The following SESTD1 variants were observed in gnomAD, a reference collection of about 807,000 sequenced individuals.
The protein encoded by SESTD1 is SEC14 domain and spectrin repeat-containing protein 1.
SESTD1 carries 43 observed loss-of-function variants against 101.7 expected under a neutral mutation model. The observed-to-expected ratio is 0.42, with a 90% CI of 0.33 to 0.55. SESTD1 has a LOEUF of 0.55. Among genes scored for constraint, SESTD1 ranks in the 20% least tolerant of loss-of-function variants. SESTD1 has a pLI of 0.07. For missense variants in SESTD1, 647 were observed against 815.1 expected (o/e 0.79, Z 2.51); for synonymous variants, 283 against 286.8 (o/e 0.99, Z 0.13).
In SESTD1 at chr2:179,121,753, T is replaced by C. The variant is rs2044756312; in HGVS notation, c.1442+17A>G. The C allele has an allele frequency of 6.4e-7, 1 of 1,551,270 alleles. No homozygotes were observed. The highest frequency in any genetic ancestry group is 8.7e-7 in the Non-Finnish European group (1 of 1,154,766). ...TGTTATTATTTTAGTAAAAAGTAAT[T>C]AACGGTCAAACTTTGCCTTTGTTTT... On this transcript the variant is annotated intron_variant, in intron 13 of 17. Transcript: ENST00000428443.
chr2:179,257,581 T>C (rs1379805096), intron 1 of SESTD1, among the ~76,000 whole-genome samples: 2 of 152,168 alleles, frequency 1.3e-5, no homozygotes, highest in African/African-American at 4.8e-5. Context: ...CCTACATTTG[T>C]ATATACCCCA....
intron 1 of SESTD1, among the ~76,000 whole-genome samples, chr2:179,230,284 C>T (rs992241080): frequency 3.3e-5 from 5 of 151,652 alleles, no homozygotes; most frequent in African/African-American, 9.7e-5. Flanking sequence ...TACAGGCACA[C>T]ACCACCATAT....
In SESTD1 at chr2:179,156,061, C is replaced by T. The variant is rs114560180; in HGVS notation, c.370-4670G>A. ...AATTTCATGCAGGTCGCTGTGAATGCCATTAATTCATTCCTTTTTATGGCT... is the reference window on the plus strand; with the variant it reads ...AATTTCATGCAGGTCGCTGTGAATGTCATTAATTCATTCCTTTTTATGGCT... On this transcript the variant is annotated intron_variant, in intron 5 of 17. Coordinates refer to ENST00000428443, the MANE Select transcript of SESTD1 (RefSeq NM_178123.5). Among the ~76,000 whole-genome samples the T allele has an allele frequency of 9.5e-3, 1,450 of 152,096 alleles. 14 individuals carry two copies. Among genetic ancestry groups the T allele is most frequent in the Non-Finnish European group, 0.015 (1,014 of 67,988 alleles).
chr2:179,156,269 A>G (rs138085242), intron 5 of SESTD1, among the ~76,000 whole-genome samples: 23 of 152,202 alleles, frequency 1.5e-4, no homozygotes, highest in Non-Finnish European at 3.1e-4. Flanking sequence ...TGATTTTGCA[A>G]TTGTGAATTG....
intron 5 of SESTD1, among the ~76,000 whole-genome samples, chr2:179,166,125 A>G (rs79206222): frequency 0.015 from 2,339 of 152,302 alleles, 162 homozygotes; most frequent in Admixed American, 0.13. Flanking sequence ...ACTAAGGCCA[A>G]ATGTGGGCTA....
At chr2:179,235,691 C>T (rs937902909) in intron 1 of SESTD1, among the ~76,000 whole-genome samples, 1 of 152,182 alleles carries the variant, frequency 6.6e-6, no homozygotes, top group African/African-American at 2.4e-5. Context: ...ACTCACCCGC[C>T]TTTACGCACT....
chr2:179,102,729 G>C lies in SESTD1; in HGVS notation c.*7170C>G, dbSNP rs561152854. ...GCTGTATGTAATAGAACAGCTGGGA[G>C]AGGTAAAAGAGTGGATAAGAGAGTC... On this transcript the variant is annotated 3_prime_UTR_variant, in exon 18 of 18. Coordinates refer to ENST00000428443, the MANE Select transcript of SESTD1 (RefSeq NM_178123.5). 5.3e-5 allele frequency: 8 copies of C among 152,212 alleles called. No individual in the cohort carries two copies. The highest frequency in any genetic ancestry group is 7.4e-5 in the Non-Finnish European group (5 of 67,978). The allele number at this position is 152,212 out of a possible 1,614,324, so 9.4% of individuals were successfully genotyped here. A position where few individuals can be genotyped will look rare whatever the true frequency, so the allele number is the denominator to read the frequency against.
chr2:179,257,633 A>C (rs146574770), intron 1 of SESTD1, among the ~76,000 whole-genome samples: 21 of 152,366 alleles, frequency 1.4e-4, no homozygotes, highest in African/African-American at 5.0e-4. Flanking sequence ...AATGAACTAT[A>C]ACAAGTTAAC....
chr2:179,137,486 A>G lies in SESTD1; in HGVS notation c.850-5060T>C, dbSNP rs563188993. ...TATGATTCCTCTCTACAGAGGAAGA[A>G]AAGCACATGGATGATTCTAGAAATA... is the stretch of plus-strand genomic sequence containing the variant. On this transcript the variant is annotated intron_variant, in intron 9 of 17. Transcript: ENST00000428443. 8.5e-5 allele frequency among the ~76,000 whole-genome samples: 13 copies of G among 152,332 alleles called. No homozygotes were observed. In the South Asian group the frequency reaches 2.5e-3, roughly 29 times the overall value.
chr2:179,238,648 A>T (rs1401599724), intron 1 of SESTD1, among the ~76,000 whole-genome samples: 1 of 152,120 alleles, frequency 6.6e-6, no homozygotes, highest in East Asian at 1.9e-4. Context: ...GTAGGGAAAA[A>T]GGTCAGTGTT....
intron 1 of SESTD1, among the ~76,000 whole-genome samples, chr2:179,255,077 T>C (rs1235491616): frequency 6.6e-6 from 1 of 152,204 alleles, no homozygotes; most frequent in Non-Finnish European, 1.5e-5. Flanking sequence ...ATTGTGTGTA[T>C]TCTGACTGCT....
chr2:179,122,884 A>G (rs1301146963), intron 12 of SESTD1, among the ~76,000 whole-genome samples: 1 of 152,226 alleles, frequency 6.6e-6, no homozygotes, highest in Non-Finnish European at 1.5e-5. Flanking sequence ...CAACACAGCA[A>G]GACTCCATCT....
Position 179,230,113 on chromosome 2 carries a change from C to CTTTTTTTTTTTTTTTTTTTTTTTTTTTTT in SESTD1, c.-26+34357_-26+34385dup, listed in dbSNP as rs71023474. Among the ~76,000 whole-genome samples the CTTTTTTTTTTTTTTTTTTTTTTTTTTTTT allele has an allele frequency of 3.5e-5, 2 of 56,404 alleles. 1 individual carries two copies. Among genetic ancestry groups the CTTTTTTTTTTTTTTTTTTTTTTTTTTTTT allele is most frequent in the Non-Finnish European group, 6.7e-5 (2 of 29,966 alleles). 37.0% of individuals were successfully genotyped at this position (56,404 alleles called of 152,430 possible). A position where few individuals can be genotyped will look rare whatever the true frequency, so the allele number is the denominator to read the frequency against. On this transcript the variant is annotated intron_variant, in intron 1 of 17. Transcript: ENST00000428443. ...AAATATTCCAAACTGGATTGTATCT[C>CTTTTTTTTTTTTTTTTTTTTTTTTTTTTT]TTTTTTTTTTTTTTTTTTTTTTTTT...
chr2:179,151,907 A>C (rs1308962032), intron 5 of SESTD1, among the ~76,000 whole-genome samples: 1 of 152,150 alleles, frequency 6.6e-6, no homozygotes, highest in Non-Finnish European at 1.5e-5. Context: ...TTTTTAGTAA[A>C]AATTAGAAGA....
intron 7 of SESTD1, 95 bp from the exon 8 acceptor site, chr2:179,146,552 C>T: frequency 1.0e-6 from 1 of 995,742 alleles, no homozygotes; most frequent in Non-Finnish European, 1.5e-6. Flanking sequence ...AACAGGGGCA[C>T]AAAAGTATGA....
chr2:179,223,588 T>C (rs1411520494), intron 1 of SESTD1, among the ~76,000 whole-genome samples: 1 of 152,004 alleles, frequency 6.6e-6, no homozygotes, highest in Non-Finnish European at 1.5e-5. Context: ...AGAAAGTCTG[T>C]AAAATGAACT....
At chr2:179,264,115 AACC>A (rs1559168490) in intron 1 of SESTD1, 1 of 152,242 alleles carries the variant, frequency 6.6e-6, no homozygotes, top group African/African-American at 2.4e-5. Context: ...CTAACGCCCA[AACC>A]TGTTGCACAA....
At chr2:179,196,252 C>T (rs2046391505) in intron 1 of SESTD1, among the ~76,000 whole-genome samples, 1 of 152,204 alleles carries the variant, frequency 6.6e-6, no homozygotes, top group Non-Finnish European at 1.5e-5. Flanking sequence ...TTCCGACGGG[C>T]TTAAAAAACG....
At chr2:179,167,385 G>A (rs188984432) in intron 5 of SESTD1, among the ~76,000 whole-genome samples, 131 of 152,272 alleles carry the variant, frequency 8.6e-4, no homozygotes, top group African/African-American at 3.1e-3. Flanking sequence ...AAAGAAAATG[G>A]TGAGAAAATT....
Sources: allele counts gnomAD v4.1 joint callset (sites outside exome capture counted in the v4.1 genomes callset), GRCh38; gene constraint gnomAD v4.1.1; transcripts MANE v1.5; gene names NCBI Gene and HGNC (gene_info 2026-07-23, HGNC 2026-07-21).